SLC2A5: variants seen among roughly 807,000 people sequenced by gnomAD.
SLC2A5 encodes the protein solute carrier family 2 member 5, also known as solute carrier family 2, facilitated glucose transporter member 5.
SLC2A5 carries 56 observed loss-of-function variants against 50.3 expected under a neutral mutation model. The ratio of observed to expected loss-of-function variants is 1.11; its 90% CI spans 0.90 to 1.39. The LOEUF (loss-of-function observed/expected upper bound fraction) is 1.39. Ranked by LOEUF, SLC2A5 falls within the 40% of genes most tolerant of loss-of-function variation. The pLI is 0.00. For missense variants in SLC2A5, 566 were observed against 650.1 expected (o/e 0.87, Z 1.41); for synonymous variants, 269 against 281.9 (o/e 0.95, Z 0.46).
At chr1:9,051,035 T>C (rs61785805) in intron 3 of SLC2A5, among the ~76,000 whole-genome samples, 2,186 of 152,178 alleles carry the variant, frequency 0.014, 60 homozygotes, top group African/African-American at 0.05. Flanking sequence ...CTCAGAATAG[T>C]AGGTCAATTC....
intron 1 of SLC2A5, among the ~76,000 whole-genome samples, chr1:9,059,434 C>T (rs1024374307): frequency 2.6e-5 from 4 of 151,998 alleles, no homozygotes; most frequent in African/African-American, 4.8e-5. Context: ...TGAGCCACCA[C>T]GCCTGGCCAG....
At chr1:9,056,144 C>G (rs1641743971) in intron 3 of SLC2A5, among the ~76,000 whole-genome samples, 1 of 152,088 alleles carries the variant, frequency 6.6e-6, no homozygotes, top group Non-Finnish European at 1.5e-5. Flanking sequence ...CAACACTAAT[C>G]TCTCAAGAGG....
At chr1:9,039,026 G>C (rs1462721681) in intron 8 of SLC2A5, 97 bp from the exon 9 acceptor site, 3 of 1,414,270 alleles carry the variant, frequency 2.1e-6, no homozygotes, top group African/African-American at 2.8e-5. Flanking sequence ...TGGGCGGACC[G>C]GGTGCCCACC....
chr1:9,060,869 G>A (rs1254051697), intron 1 of SLC2A5, among the ~76,000 whole-genome samples: 1 of 151,786 alleles, frequency 6.6e-6, no homozygotes, highest in African/African-American at 2.4e-5. Context: ...AAGTGTTGGG[G>A]ATATAGCGGT....
chr1:9,048,957 A>AT lies in SLC2A5; in HGVS notation c.294-1224dup, dbSNP rs576980426. 2.7e-3 allele frequency: 962 copies of AT among 350,456 alleles called. 4 individuals carry two copies. The highest frequency in any genetic ancestry group is 0.011 in the African/African-American group (492 of 46,726). The allele number at this position is 350,456 out of a possible 1,614,324, so 21.7% of individuals were successfully genotyped here. ...TAGGCATGAGCCACTGCGCCCAGCC[A>AT]TTTTTTTTAAAACCAGCCTTAACAA... On this transcript the variant is annotated intron_variant, in intron 3 of 11. Coordinates refer to ENST00000377424, the MANE Select transcript of SLC2A5 (RefSeq NM_003039.3).
intron 5 of SLC2A5, 147 bp downstream of exon 5, chr1:9,041,638 A>T (rs775351140): frequency 9.3e-6 from 14 of 1,511,834 alleles, no homozygotes; most frequent in Non-Finnish European, 1.2e-5. Context: ...GGCTCGGGAC[A>T]GGATGGGCCC....
upstream of SLC2A5, chr1:9,071,957 T>C: frequency 6.4e-6 from 1 of 157,126 alleles, no homozygotes; most frequent in Non-Finnish European, 1.4e-5. Context: ...CGGGTCCCCC[T>C]CAGCCTCGGT....
At chr1:9,047,392 G>A (rs1386476731) in intron 4 of SLC2A5, among the ~76,000 whole-genome samples, 1 of 152,184 alleles carries the variant, frequency 6.6e-6, no homozygotes, top group East Asian at 1.9e-4. Context: ...TTAAGATTCT[G>A]CATTTCAGTC....
chr1:9,083,523 C>T (rs1424205870), intron 2 of SLC2A5, among the ~76,000 whole-genome samples: 2 of 152,188 alleles, frequency 1.3e-5, no homozygotes, highest in African/African-American at 4.8e-5. Context: ...ATTATGTGCT[C>T]ATTAACATAC....
At chr1:9,067,399 T>A (rs3765962) in intron 1 of SLC2A5, among the ~76,000 whole-genome samples, 36,014 of 152,210 alleles carry the variant, frequency 0.24, 4,592 homozygotes, top group Non-Finnish European at 0.29. Context: ...GCCATCTGAA[T>A]CATTTCCTTT....
intron 1 of SLC2A5, among the ~76,000 whole-genome samples, chr1:9,086,233 G>A (rs12402657): frequency 0.1 from 15,213 of 152,060 alleles, 1,529 homozygotes; most frequent in East Asian, 0.4. Context: ...CTTTCTGCCC[G>A]CTACACAGAC....
At chr1:9,093,196 C>T (rs1363303364), upstream of SLC2A5, among the ~76,000 whole-genome samples, 3 of 152,094 alleles carry the variant, frequency 2.0e-5, no homozygotes, top group African/African-American at 7.2e-5. Flanking sequence ...AGATCTCAGC[C>T]CTACCCCCAA....
chr1:9,070,552 C>T (rs1009435865), upstream of SLC2A5, among the ~76,000 whole-genome samples: 2 of 152,112 alleles, frequency 1.3e-5, no homozygotes, highest in Non-Finnish European at 1.5e-5. Flanking sequence ...CCACTGTCAG[C>T]CCCCCATGTT....
At chr1:9,057,292 T>TAAAAAAAAAAAA (rs760221358) in intron 3 of SLC2A5, among the ~76,000 whole-genome samples, 156 bp downstream of exon 3, 1 of 103,404 alleles carries the variant, frequency 9.7e-6, no homozygotes, top group Non-Finnish European at 2.1e-5. Flanking sequence ...TCTCAAAAAT[T>TAAAAAAAAAAAA]AAAAAAAAAA....
Position 9,041,790 on chromosome 1 carries a change from A to G in SLC2A5, c.566T>C (p.Val189Ala). The G allele has an allele frequency of 6.2e-7, 1 of 1,614,066 alleles. No homozygotes were observed. The highest frequency in any genetic ancestry group is 1.1e-5 in the South Asian group (1 of 91,072). The change falls in exon 5 of 12, where the codon GTA (valine) becomes GCA (alanine). Residue 189 changes from valine to alanine, a missense_variant. Transcript: ENST00000377424. ...CCGAGATGTCCTGAACTCACCATCT[A>G]CGTTTGCAAGGAGATTCCGAAGACC... ...IFGLRNLLAN[V>A]DGWPILLGLT...
upstream of SLC2A5, among the ~76,000 whole-genome samples, chr1:9,091,115 C>T (rs1642457662): frequency 6.6e-6 from 1 of 152,152 alleles, no homozygotes; most frequent in Admixed American, 6.6e-5. Context: ...TGGGCTATTT[C>T]TGAATATGGA....
upstream of SLC2A5, among the ~76,000 whole-genome samples, chr1:9,073,346 A>C (rs41280748): frequency 0.022 from 3,427 of 152,366 alleles, 71 homozygotes; most frequent in Admixed American, 0.077. Context: ...CAGTACAGAC[A>C]TAAAGTTCCG....
intron 2 of SLC2A5, among the ~76,000 whole-genome samples, chr1:9,080,495 T>TG (rs1481935764): frequency 6.6e-6 from 1 of 152,242 alleles, no homozygotes; most frequent in African/African-American, 2.4e-5. Context: ...GGGCTGTGGT[T>TG]GCTGTTATCG....
rs1234846281 is a variant in SLC2A5, at chr1:9,038,027, G to A, written c.1175-3C>T. On this transcript the variant is annotated splice_polypyrimidine_tract_variant and splice_region_variant and intron_variant, in intron 10 of 11. Transcript: ENST00000377424. ...GATGAGCAGCGCGGGTATGGGACCT[G>A]TAGGGGGAGGAGAGCAGCCTCCCTG... 6.2e-7 allele frequency: 1 copy of A among 1,613,510 alleles called. No individual in the cohort carries two copies. Among genetic ancestry groups the A allele is most frequent in the Non-Finnish European group, 8.5e-7 (1 of 1,179,954 alleles).
Sources: gnomAD v4.1 joint callset for allele counts (sites outside exome capture counted in the v4.1 genomes callset) on GRCh38, gnomAD v4.1.1 for gene constraint, MANE v1.5 for transcripts, NCBI Gene and HGNC (gene_info 2026-07-23, HGNC 2026-07-21) for gene names.